ATE1: variants seen among roughly 807,000 people sequenced by gnomAD.
ATE1 encodes the protein arginyl-tRNA--protein transferase 1.
A neutral mutation model predicts 70.5 loss-of-function variants in ATE1; 36 were observed. The ratio of observed to expected loss-of-function variants is 0.51; its 90% CI spans 0.39 to 0.67. The LOEUF is 0.67. Ranked by LOEUF, ATE1 falls within the 30% of genes least tolerant of loss-of-function variation. The pLI is 0.00. For synonymous variants in ATE1, 232 were observed against 219.3 expected (o/e 1.06, Z -0.51); for missense variants, 593 against 629.5 (o/e 0.94, Z 0.62).
chr10:121,764,471 T>C (rs1442082961), intron 11 of ATE1, among the ~76,000 whole-genome samples: 1 of 119,706 alleles, frequency 8.4e-6, no homozygotes, highest in Non-Finnish European at 1.7e-5. Context: ...ACCTTGTCTG[T>C]ACCGGTTCCT....
chr10:121,850,327 C>T (rs916983487), intron 8 of ATE1, among the ~76,000 whole-genome samples: 1 of 152,168 alleles, frequency 6.6e-6, no homozygotes, highest in African/African-American at 2.4e-5. Context: ...ACTCTCTATA[C>T]TCTCCTCTAC....
Position 121,743,494 on chromosome 10 carries a change from C to T in ATE1, c.*186G>A, listed in dbSNP as rs1160459561. 8.3e-7 allele frequency: 1 copy of T among 1,209,224 alleles called. No individual in the cohort carries two copies. Among genetic ancestry groups the T allele is most frequent in the African/African-American group, 1.6e-5 (1 of 64,404 alleles). 74.9% of individuals were successfully genotyped at this position (1,209,224 alleles called of 1,614,324 possible). A position where few individuals can be genotyped will look rare whatever the true frequency, so the allele number is the denominator to read the frequency against. On this transcript the variant is annotated 3_prime_UTR_variant, in exon 12 of 12. Coordinates refer to ENST00000224652, the MANE Select transcript of ATE1 (RefSeq NM_001001976.3). ...CTAGGTCATAATGCAGTTTTAAAAT[C>T]TTTATATTAACTATGAGATTCTCAC...
intron 8 of ATE1, among the ~76,000 whole-genome samples, chr10:121,863,138 C>G (rs1434737139): frequency 6.6e-6 from 1 of 151,766 alleles, no homozygotes; most frequent in Non-Finnish European, 1.5e-5. Flanking sequence ...TTCATGTTAT[C>G]TTGAGGCTCT....
intron 1 of ATE1, 24 bp downstream of exon 1, chr10:121,927,820 C>T (rs1259092555): frequency 4.5e-6 from 7 of 1,541,506 alleles, no homozygotes; most frequent in Non-Finnish European, 5.2e-6. Context: ...CGGCTTCCCA[C>T]GCCCGCCGGC....
At chr10:121,857,168 G>A (rs1439298534) in intron 8 of ATE1, among the ~76,000 whole-genome samples, 2 of 152,106 alleles carry the variant, frequency 1.3e-5, no homozygotes, top group African/African-American at 4.8e-5. Flanking sequence ...TGTTACACGG[G>A]TATGTTGTAT....
intron 8 of ATE1, among the ~76,000 whole-genome samples, chr10:121,852,406 ATTTTT>A (rs201539144): frequency 6.6e-6 from 1 of 151,536 alleles, no homozygotes; most frequent in Non-Finnish European, 1.5e-5. Context: ...TTGCTTTTTT[ATTTTT>A]TTTTAACAGT....
intron 6 of ATE1, among the ~76,000 whole-genome samples, chr10:121,901,123 C>T (rs181429126): frequency 0.011 from 1,682 of 152,036 alleles, 12 homozygotes; most frequent in Non-Finnish European, 0.018. Flanking sequence ...AGAAATTAGC[C>T]GGGCGTAGTG....
intron 11 of ATE1, among the ~76,000 whole-genome samples, chr10:121,756,569 C>T (rs1202252343): frequency 6.6e-6 from 1 of 152,226 alleles, no homozygotes; most frequent in Non-Finnish European, 1.5e-5. Flanking sequence ...GGCATTTCCA[C>T]ACATCTTCTG....
At chr10:121,865,693 G>A (rs1949641759) in intron 8 of ATE1, among the ~76,000 whole-genome samples, 1 of 152,140 alleles carries the variant, frequency 6.6e-6, no homozygotes, top group Non-Finnish European at 1.5e-5. Flanking sequence ...GACTTGACGA[G>A]GTGATAAAAG....
At position 121,848,359 on chromosome 10, in the gene ATE1, G is replaced by A. The variant is rs1948919358; in HGVS notation, c.976-7096C>T. Reference sequence around the variant, plus strand: ...CGGCTGGGTGTGGTGGCTCATGCGTGTAATCCCAGTACTTTGGGAGGCAGA... The same window carrying A: ...CGGCTGGGTGTGGTGGCTCATGCGTATAATCCCAGTACTTTGGGAGGCAGA... On this transcript the variant is annotated intron_variant, in intron 8 of 11. Transcript: ENST00000224652. 2.6e-5 allele frequency among the ~76,000 whole-genome samples: 4 copies of A among 152,046 alleles called. No individual in the cohort carries two copies. The South Asian group carries it at 8.3e-4, about 32-fold the overall frequency.
chr10:121,836,897 A>G, intron 9 of ATE1, 80 bp from the exon 10 acceptor site: 1 of 895,188 alleles, frequency 1.1e-6, no homozygotes, highest in Non-Finnish European at 1.8e-6. Flanking sequence ...TTGATGGTAA[A>G]CATTTGATAA....
chr10:121,889,628 C>T (rs1950516338), intron 7 of ATE1, among the ~76,000 whole-genome samples: 1 of 152,042 alleles, frequency 6.6e-6, no homozygotes, highest in South Asian at 2.1e-4. Context: ...TATAGCAAGA[C>T]TCTACCTCTA....
At chr10:121,809,285 C>T (rs968562770) in intron 10 of ATE1, among the ~76,000 whole-genome samples, 1 of 151,182 alleles carries the variant, frequency 6.6e-6, no homozygotes, top group African/African-American at 2.4e-5. Context: ...GTCTGAATAA[C>T]CAAGTCAGTT....
intron 7 of ATE1, among the ~76,000 whole-genome samples, chr10:121,894,021 C>T (rs1455926141): frequency 6.6e-6 from 1 of 151,890 alleles, no homozygotes; most frequent in African/African-American, 2.4e-5. Flanking sequence ...CCTGTAATCC[C>T]AGCTACTAGG....
intron 11 of ATE1, among the ~76,000 whole-genome samples, chr10:121,777,859 T>C (rs1391111039): frequency 6.6e-6 from 1 of 152,208 alleles, no homozygotes; most frequent in African/African-American, 2.4e-5. Flanking sequence ...GGAAACTGAA[T>C]ACATTAAGTT....
At chr10:121,761,023 C>T (rs1406467271) in intron 11 of ATE1, among the ~76,000 whole-genome samples, 3 of 152,122 alleles carry the variant, frequency 2.0e-5, no homozygotes, top group Non-Finnish European at 4.4e-5. Flanking sequence ...GCAGGGGAGG[C>T]GAGTTCTCAT....
In ATE1 at chr10:121,928,026, C is replaced by A; in HGVS notation, c.-77G>T. ...CCGCCGCCGCCACCCCACAATGCAGCGCGCCGCCCGGGAGCCTCCCGAGGC... is the reference window on the plus strand; with the variant it reads ...CCGCCGCCGCCACCCCACAATGCAGAGCGCCGCCCGGGAGCCTCCCGAGGC... On this transcript the variant is annotated 5_prime_UTR_variant, in exon 1 of 12. Transcript: ENST00000224652. The A allele has an allele frequency of 7.8e-7, 1 of 1,283,028 alleles. No homozygotes were observed. Among genetic ancestry groups the A allele is most frequent in the South Asian group, 2.6e-5 (1 of 37,748 alleles). The allele number at this position is 1,283,028 out of a possible 1,614,324, so 79.5% of individuals were successfully genotyped here.
rs186950020 is a variant in ATE1 at position 121,921,383 on chromosome 10, G to C, written c.233+966C>G. Among the ~76,000 whole-genome samples, 501 of 151,054 alleles carry C rather than the reference G, an allele frequency of 3.3e-3. 8 individuals carry two copies. The highest frequency in any genetic ancestry group is 0.011 in the African/African-American group (467 of 41,078). On this transcript the variant is annotated intron_variant, in intron 3 of 11. Coordinates refer to ENST00000224652, the MANE Select transcript of ATE1 (RefSeq NM_001001976.3). ...AAGCTTTCCTGTATTAGGCCGACTTGTCCCAGAGGCAGCAACAGGCACGGC... is the reference window on the plus strand; with the variant it reads ...AAGCTTTCCTGTATTAGGCCGACTTCTCCCAGAGGCAGCAACAGGCACGGC...
chr10:121,795,188 C>T (rs909169176), intron 10 of ATE1, among the ~76,000 whole-genome samples: 1 of 152,138 alleles, frequency 6.6e-6, no homozygotes, highest in Non-Finnish European at 1.5e-5. Flanking sequence ...GCAGAGGTTA[C>T]AGTGAGCCAA....
Sources: allele counts gnomAD v4.1 joint callset (sites outside exome capture counted in the v4.1 genomes callset), GRCh38; gene constraint gnomAD v4.1.1; transcripts MANE v1.5; gene names NCBI Gene and HGNC (gene_info 2026-07-23, HGNC 2026-07-21).